Variants in DIAPH3 observed in about 807,000 individuals in gnomAD.
DIAPH3 encodes the protein protein diaphanous homolog 3.
Under a neutral mutation model 144.3 loss-of-function variants are expected in DIAPH3, and 117 were observed. That is an observed-to-expected ratio of 0.81 (90% confidence interval 0.70 to 0.95). The LOEUF (loss-of-function observed/expected upper bound fraction) is 0.95, where lower values mean the gene tolerates loss of function less well. Ranked by LOEUF, DIAPH3 falls within the 40% of genes least tolerant of loss-of-function variation. The pLI, the probability that DIAPH3 is intolerant of heterozygous loss-of-function variation, is 0.00. For synonymous variants in DIAPH3, 519 were observed against 488.9 expected, an observed-to-expected ratio of 1.06 and a Z score of -0.81; for missense variants, 1,421 against 1,412.7, an observed-to-expected ratio of 1.01 and a Z score of -0.09.
chr13:60,163,089 C>A (rs1952379292), intron 1 of DIAPH3, among the ~76,000 whole-genome samples: 2 of 152,174 alleles, frequency 1.3e-5, no homozygotes, highest in South Asian at 2.1e-4. Flanking sequence ...ATTTAGAATT[C>A]TTTCCAAGCT....
chr13:59,959,674 C>T (rs1260885570), intron 17 of DIAPH3, among the ~76,000 whole-genome samples: 8 of 152,072 alleles, frequency 5.3e-5, no homozygotes, highest in Admixed American at 5.2e-4. Context: ...TGGCCTCTAG[C>T]GACTGGAAAA....
At chr13:59,871,936 T>C (rs1440557409) in intron 21 of DIAPH3, among the ~76,000 whole-genome samples, 1 of 152,206 alleles carries the variant, frequency 6.6e-6, no homozygotes, top group East Asian at 1.9e-4. Flanking sequence ...GTAACGATAG[T>C]CCCTCTTTCG....
chr13:60,064,614 T>C (rs1189834910), intron 4 of DIAPH3, among the ~76,000 whole-genome samples: 1 of 152,230 alleles, frequency 6.6e-6, no homozygotes, highest in Non-Finnish European at 1.5e-5. Flanking sequence ...GAGAATGTTG[T>C]AGCTAGTTTG....
chr13:59,734,445 A>T (rs2036038138), intron 27 of DIAPH3, among the ~76,000 whole-genome samples: 1 of 152,194 alleles, frequency 6.6e-6, no homozygotes, highest in East Asian at 1.9e-4. Flanking sequence ...TTTATGAATT[A>T]TTGAATTGAT....
intron 27 of DIAPH3, among the ~76,000 whole-genome samples, chr13:59,751,566 C>T (rs1374236566): frequency 1.3e-5 from 2 of 152,164 alleles, no homozygotes; most frequent in African/African-American, 4.8e-5. Flanking sequence ...TAAATGTATA[C>T]AACCTGTAAA....
intron 17 of DIAPH3, among the ~76,000 whole-genome samples, chr13:59,943,646 A>G (rs769546379): frequency 2.8e-4 from 42 of 152,328 alleles, no homozygotes; most frequent in Middle Eastern, 3.4e-3. Flanking sequence ...AAATTGGAAC[A>G]ATAAGATGTG....
intron 27 of DIAPH3, among the ~76,000 whole-genome samples, chr13:59,760,123 A>G (rs1431694779): frequency 6.6e-6 from 1 of 152,210 alleles, no homozygotes; most frequent in Non-Finnish European, 1.5e-5. Flanking sequence ...TTAATGCACT[A>G]TGCCCTTCAC....
intron 15 of DIAPH3, 41 bp from the exon 16 acceptor site, chr13:59,971,201 C>G (rs749632078): frequency 6.6e-7 from 1 of 1,522,412 alleles, no homozygotes; most frequent in Non-Finnish European, 8.9e-7. Flanking sequence ...AAGAACATAT[C>G]TACAAAACAT....
intron 4 of DIAPH3, among the ~76,000 whole-genome samples, chr13:60,088,995 G>A (rs1166549210): frequency 6.6e-6 from 1 of 152,148 alleles, no homozygotes; most frequent in Non-Finnish European, 1.5e-5. Flanking sequence ...AATAGATTTA[G>A]ATCAATAAGA....
At chr13:60,017,589 A>T (rs1421197497) in intron 5 of DIAPH3, among the ~76,000 whole-genome samples, 1 of 152,214 alleles carries the variant, frequency 6.6e-6, no homozygotes, top group African/African-American at 2.4e-5. Flanking sequence ...AGTAAAATCC[A>T]GCTTCTTCAT....
intron 3 of DIAPH3, among the ~76,000 whole-genome samples, chr13:60,102,619 C>T (rs2058302927): frequency 6.6e-6 from 1 of 152,162 alleles, no homozygotes; most frequent in Non-Finnish European, 1.5e-5. Flanking sequence ...CTTCAGATAA[C>T]AGTTACGGGA....
intron 12 of DIAPH3, among the ~76,000 whole-genome samples, chr13:59,988,303 T>TA (rs527786382): frequency 3.3e-5 from 5 of 152,040 alleles, no homozygotes; most frequent in Admixed American, 3.3e-4. Context: ...ACGTGGTACA[T>TA]ACATTTAAAC....
intron 21 of DIAPH3, among the ~76,000 whole-genome samples, chr13:59,875,313 A>C (rs1404413246): frequency 6.6e-6 from 1 of 152,202 alleles, no homozygotes; most frequent in Non-Finnish European, 1.5e-5. Flanking sequence ...GCAGTCCTCC[A>C]TTATTTCTGC....
chr13:60,081,941 T>A (rs539602341), intron 4 of DIAPH3, among the ~76,000 whole-genome samples: 159 of 151,948 alleles, frequency 1.0e-3, no homozygotes, highest in Non-Finnish European at 1.9e-3. Context: ...GGATCCTACA[T>A]TGAAGAGAAA....
intron 27 of DIAPH3, among the ~76,000 whole-genome samples, chr13:59,723,713 C>G (rs1191290774): frequency 6.6e-6 from 1 of 151,822 alleles, no homozygotes; most frequent in Non-Finnish European, 1.5e-5. Context: ...TGGGTTCAAG[C>G]AATTCTCCTG....
intron 4 of DIAPH3, among the ~76,000 whole-genome samples, chr13:60,085,946 A>T (rs1266959468): frequency 6.6e-6 from 1 of 152,164 alleles, no homozygotes; most frequent in Non-Finnish European, 1.5e-5. Context: ...TGACAGGGTG[A>T]AAATGACCTT....
intron 27 of DIAPH3, among the ~76,000 whole-genome samples, chr13:59,749,208 T>TTA (rs1566256622): frequency 4.1e-5 from 1 of 24,606 alleles, no homozygotes; most frequent in African/African-American, 1.8e-4. Flanking sequence ...AGACTCTGTC[T>TTA]CAAAAAAAAA....
At chr13:59,919,010 T>A in intron 18 of DIAPH3, among the ~76,000 whole-genome samples, 1 of 143,912 alleles carries the variant, frequency 6.9e-6, no homozygotes, top group African/African-American at 2.6e-5. Flanking sequence ...TAAACAGAAA[T>A]ACTAAAATAT....
chr13:59,712,008 T>C (rs528288444), intron 27 of DIAPH3, among the ~76,000 whole-genome samples: 30 of 152,240 alleles, frequency 2.0e-4, no homozygotes, highest in African/African-American at 6.3e-4. Flanking sequence ...AGCTCCTCTC[T>C]TGGGACAATA....
Sources: allele counts gnomAD v4.1 joint callset (sites outside exome capture counted in the v4.1 genomes callset), GRCh38; gene constraint gnomAD v4.1.1; transcripts MANE v1.5; gene names NCBI Gene and HGNC (gene_info 2026-07-23, HGNC 2026-07-21).